ATP9B: variants seen among roughly 807,000 people sequenced by gnomAD.
ATP9B encodes probable phospholipid-transporting ATPase IIB.
Under a neutral mutation model 146.1 loss-of-function variants are expected in ATP9B, and 110 were observed. That is an observed-to-expected ratio of 0.75 (90% CI 0.65 to 0.88). The LOEUF is 0.88. Among genes scored for constraint, ATP9B ranks in the 40% least tolerant of loss-of-function variants. The pLI is 0.00. For synonymous variants in ATP9B, 604 were observed against 569.7 expected (o/e 1.06, Z -0.86); for missense variants, 1,499 against 1,496.4 (o/e 1.00, Z -0.03).
intron 13 of ATP9B, among the ~76,000 whole-genome samples, chr18:79,278,156 G>A (rs965921936): frequency 2.0e-5 from 3 of 152,178 alleles, no homozygotes; most frequent in African/African-American, 2.4e-5. Context: ...AGAACAGACC[G>A]AAGAGTAAAG....
chr18:79,075,759 T>C (rs2072533992), intron 1 of ATP9B, among the ~76,000 whole-genome samples: 1 of 152,212 alleles, frequency 6.6e-6, no homozygotes, highest in African/African-American at 2.4e-5. Flanking sequence ...ATTGTCTGTC[T>C]TTGGATTGAT....
At chr18:79,351,655 C>T (rs1267752532) in intron 25 of ATP9B, among the ~76,000 whole-genome samples, 1 of 152,178 alleles carries the variant, frequency 6.6e-6, no homozygotes, top group Non-Finnish European at 1.5e-5. Context: ...ATATGGTTTT[C>T]ATCTGCATTC....
In ATP9B at chr18:79,096,516, C is replaced by G; in HGVS notation, c.160C>G (p.Pro54Ala). 6.2e-7 allele frequency: 1 copy of G among 1,613,966 alleles called. No homozygotes were observed. Among genetic ancestry groups the G allele is most frequent in the Non-Finnish European group, 8.5e-7 (1 of 1,179,952 alleles). Residue 54 changes from proline (P) to alanine (A), a missense_variant, in exon 2 of 30, where the codon CCA becomes GCA. Physicochemically the swap from Pro to Ala is conservative, Grantham distance 27. Coordinates refer to ENST00000426216, the MANE Select transcript of ATP9B (RefSeq NM_198531.5). ...EDESAHLDEM[P>A]LMMSEEGFEN... ...TGAGTCTGCGCATTTGGATGAAATG[C>G]CACTAATGATGTCTGAAGAAGGCTT...
chr18:79,173,432 G>C (rs1047705314), intron 7 of ATP9B, among the ~76,000 whole-genome samples: 1 of 140,384 alleles, frequency 7.1e-6, no homozygotes, highest in Non-Finnish European at 1.6e-5. Context: ...TCTTGTGGTG[G>C]TTTTTTTTTT....
At chr18:79,119,419 T>C (rs571001880) in intron 4 of ATP9B, among the ~76,000 whole-genome samples, 8 of 152,356 alleles carry the variant, frequency 5.3e-5, no homozygotes, top group African/African-American at 1.2e-4. Flanking sequence ...CAGCTGCAAT[T>C]TTTAGTCCTT....
rs1242382824 is a variant in ATP9B, at chr18:79,316,476, GTATACA to G, written c.1773+9243_1773+9248del. 2.4e-4 allele frequency among the ~76,000 whole-genome samples: 36 copies of G among 152,076 alleles called. 1 individual carries two copies. The highest frequency in any genetic ancestry group is 2.4e-3 in the Admixed American group (36 of 15,264). On this transcript the variant is annotated intron_variant, in intron 15 of 29. Coordinates refer to ENST00000426216, the MANE Select transcript of ATP9B (RefSeq NM_198531.5). Reference sequence around the variant, plus strand: ...GTCCTGTTGGCAGCTAACATGTTTAGTATACAGTCCAACCAAAGACTGCAAATAATA... The same window carrying G: ...GTCCTGTTGGCAGCTAACATGTTTAGGTCCAACCAAAGACTGCAAATAATA...
At chr18:79,165,294 A>C (rs1305609264) in intron 7 of ATP9B, among the ~76,000 whole-genome samples, 4 of 152,202 alleles carry the variant, frequency 2.6e-5, no homozygotes, top group African/African-American at 7.2e-5. Flanking sequence ...CCTCCAGAGC[A>C]GGCATTCTCA....
chr18:79,349,082 A>T (rs2096908069), intron 25 of ATP9B, among the ~76,000 whole-genome samples: 3 of 152,248 alleles, frequency 2.0e-5, no homozygotes, highest in African/African-American at 7.2e-5. Context: ...TTGCTGCTGT[A>T]TCTGCAAAAC....
In ATP9B at chr18:79,374,057, T is replaced by C; in HGVS notation, c.3230T>C (p.Leu1077Ser). Residue 1077 changes from leucine (L) to serine (S), a missense_variant, in exon 28 of 30, where the codon TTA becomes TCA. Physicochemically the swap from Leu to Ser is moderately radical, Grantham distance 145. Coordinates refer to ENST00000426216, the MANE Select transcript of ATP9B (RefSeq NM_198531.5). ...ATGGTGGTGGCCGAGTTCCTCAGCT[T>C]AGGCTGCTACGTGTCCTCACTCGCT... ...WLMVVAEFLS[L>S]GCYVSSLAFL... is the part of the protein sequence containing the mutation. The C allele has an allele frequency of 6.2e-7, 1 of 1,614,230 alleles. No homozygotes were observed. The highest frequency in any genetic ancestry group is 8.5e-7 in the Non-Finnish European group (1 of 1,180,036).
At chr18:79,249,268 T>C (rs2095999456) in intron 11 of ATP9B, among the ~76,000 whole-genome samples, 1 of 152,212 alleles carries the variant, frequency 6.6e-6, no homozygotes, top group Admixed American at 6.5e-5. Flanking sequence ...TACAGGCAAT[T>C]ATTGTGTTCA....
chr18:79,194,236 T>A (rs1240721883), intron 9 of ATP9B: 1 of 152,142 alleles, frequency 6.6e-6, no homozygotes, highest in Non-Finnish European at 1.5e-5. Flanking sequence ...AGACAACATA[T>A]GAGAATAAAT....
intron 8 of ATP9B, among the ~76,000 whole-genome samples, chr18:79,183,940 G>A (rs2095278802): frequency 6.6e-6 from 1 of 151,914 alleles, no homozygotes; most frequent in Non-Finnish European, 1.5e-5. Context: ...CAGCGTATCT[G>A]TTTCTCCATA....
At chr18:79,256,259 A>ATATG (rs1568508542) in intron 12 of ATP9B, among the ~76,000 whole-genome samples, 1 of 50,464 alleles carries the variant, frequency 2.0e-5, no homozygotes, top group Non-Finnish European at 6.1e-5. Context: ...CTAGCTAGCT[A>ATATG]TATATATATA....
At chr18:79,268,818 A>G (rs4433872) in intron 12 of ATP9B, among the ~76,000 whole-genome samples, 136,908 of 152,258 alleles carry the variant, frequency 0.9, 61,713 homozygotes, top group East Asian at 1. Flanking sequence ...TGTGCTTTTG[A>G]TGCTGGTCTG....
chr18:79,256,257 C>CTA (rs10531617), intron 12 of ATP9B, among the ~76,000 whole-genome samples: 7,681 of 100,230 alleles, frequency 0.077, 525 homozygotes, highest in African/African-American at 0.15. Context: ...TTCTAGCTAG[C>CTA]TATATATATA....
intron 26 of ATP9B, chr18:79,364,411 AAG>A (rs1231052957): frequency 6.6e-6 from 1 of 152,242 alleles, no homozygotes; most frequent in East Asian, 1.9e-4. Context: ...TGGAACAGAA[AAG>A]AGAGCCCAGA....
intron 26 of ATP9B, among the ~76,000 whole-genome samples, chr18:79,366,119 A>G (rs1385886998): frequency 5.3e-5 from 8 of 152,214 alleles, no homozygotes; most frequent in Non-Finnish European, 1.2e-4. Context: ...TTTTTACCGG[A>G]CACCTGGGAG....
In ATP9B at chr18:79,256,502, T is replaced by TTTTTC. The variant is rs202011616; in HGVS notation, c.1268+2965_1268+2969dup. 7.2e-3 allele frequency among the ~76,000 whole-genome samples: 1,092 copies of TTTTTC among 151,524 alleles called. 10 individuals are homozygous for TTTTTC. Among genetic ancestry groups the TTTTTC allele is most frequent in the African/African-American group, 0.017 (685 of 41,408 alleles). ...GCTGTTTGTTTTACTTCTATATTTATTTTTCTTTCTTGCAATCTTTGGAGT... is the reference window on the plus strand; with the variant it reads ...GCTGTTTGTTTTACTTCTATATTTATTTTTCTTTTCTTTCTTGCAATCTTTGGAGT... On this transcript the variant is annotated intron_variant, in intron 12 of 29. Coordinates refer to ENST00000426216, the MANE Select transcript of ATP9B (RefSeq NM_198531.5).
chr18:79,109,809 G>A (rs1223923411), intron 2 of ATP9B, among the ~76,000 whole-genome samples: 1 of 151,954 alleles, frequency 6.6e-6, no homozygotes, highest in African/African-American at 2.4e-5. Context: ...CAGGTGATCC[G>A]CCTGCCTCGG....
Sources: allele counts gnomAD v4.1 joint callset (sites outside exome capture counted in the v4.1 genomes callset), GRCh38; gene constraint gnomAD v4.1.1; transcripts MANE v1.5; gene names NCBI Gene and HGNC (gene_info 2026-07-23, HGNC 2026-07-21).